The following KALRN variants were observed in gnomAD, a reference collection of about 807,000 sequenced individuals.
The protein encoded by KALRN is kalirin.
Under a neutral mutation model 353.7 loss-of-function variants are expected in KALRN, and 70 were observed. That is an observed-to-expected ratio of 0.20 (90% CI 0.16 to 0.24). The LOEUF is 0.24. Ranked by LOEUF, KALRN falls within the 10% of genes least tolerant of loss-of-function variation. The pLI is 1.00. For synonymous variants in KALRN, 1,391 were observed against 1,434.8 expected, an observed-to-expected ratio of 0.97 and a Z score of 0.69; for missense variants, 2,791 against 3,756.7, an observed-to-expected ratio of 0.74 and a Z score of 6.72.
At chr3:124,391,259 TG>T (rs1394544084) in intron 11 of KALRN, among the ~76,000 whole-genome samples, 4 of 104,726 alleles carry the variant, frequency 3.8e-5, no homozygotes, top group Admixed American at 1.2e-4. Context: ...TTTTCTTTTC[TG>T]GGGAGGGGGT....
chr3:124,253,955 T>C (rs1046950768), intron 3 of KALRN, among the ~76,000 whole-genome samples: 2 of 152,202 alleles, frequency 1.3e-5, no homozygotes, highest in Non-Finnish European at 2.9e-5. Context: ...AATGTGATCT[T>C]TATTCCAGCA....
At chr3:124,655,179 A>G (rs2083872112) in intron 38 of KALRN, among the ~76,000 whole-genome samples, 2 of 152,232 alleles carry the variant, frequency 1.3e-5, no homozygotes, top group African/African-American at 4.8e-5. Context: ...TAAGTGAAGA[A>G]TGGAGCTGAA....
At chr3:124,131,191 G>A (rs2065236361) in intron 1 of KALRN, among the ~76,000 whole-genome samples, 1 of 152,142 alleles carries the variant, frequency 6.6e-6, no homozygotes, top group Admixed American at 6.5e-5. Flanking sequence ...ATGTCTGAAG[G>A]TTAACAGATA....
intron 1 of KALRN, among the ~76,000 whole-genome samples, chr3:124,056,787 C>A (rs1049362827): frequency 6.6e-6 from 1 of 152,142 alleles, no homozygotes; most frequent in Non-Finnish European, 1.5e-5. Flanking sequence ...AAGTTCTGAG[C>A]CAATTACAGT....
At chr3:124,076,890 G>GT (rs2060287229) in intron 1 of KALRN, among the ~76,000 whole-genome samples, 1 of 152,218 alleles carries the variant, frequency 6.6e-6, no homozygotes. Context: ...CTTTCTTTGT[G>GT]AAGTGGCCCA....
chr3:124,536,102 G>T (rs1344186035), intron 33 of KALRN, among the ~76,000 whole-genome samples: 1 of 151,780 alleles, frequency 6.6e-6, no homozygotes, highest in Non-Finnish European at 1.5e-5. Flanking sequence ...GTAACAATGT[G>T]TCTCCCCCAG....
At chr3:124,492,575 C>T (rs769121235) in intron 31 of KALRN, among the ~76,000 whole-genome samples, 165 bp from the exon 32 acceptor site, 9 of 152,020 alleles carry the variant, frequency 5.9e-5, no homozygotes, top group Admixed American at 3.9e-4. Flanking sequence ...GTTGGAGAAG[C>T]CTGTTTCTGG....
chr3:124,041,476 A>G (rs2149081510), intron 1 of KALRN, among the ~76,000 whole-genome samples: 1 of 152,336 alleles, frequency 6.6e-6, no homozygotes, highest in South Asian at 2.1e-4. Flanking sequence ...GGACCTTTCC[A>G]GTCCAGGAAG....
intron 14 of KALRN, among the ~76,000 whole-genome samples, chr3:124,414,775 G>A (rs2092402177): frequency 2.0e-5 from 3 of 152,150 alleles, no homozygotes; most frequent in Admixed American, 2.0e-4. Context: ...TCCTACCGGG[G>A]TCCTTGTTGG....
At chr3:124,642,807 T>TTG (rs1491569517) in intron 37 of KALRN, among the ~76,000 whole-genome samples, 917 of 87,552 alleles carry the variant, frequency 0.01, 59 homozygotes, top group African/African-American at 0.021. Context: ...CCAAGCCTCG[T>TTG]TTTTTTTTTT....
intron 11 of KALRN, 114 bp downstream of exon 11, chr3:124,385,150 C>T: frequency 1.2e-6 from 1 of 819,060 alleles, no homozygotes; most frequent in East Asian, 2.7e-5. Flanking sequence ...GGGTTACTAA[C>T]TTCCTAACTT....
At chr3:124,574,172 A>T (rs1197123352) in intron 34 of KALRN, among the ~76,000 whole-genome samples, 1 of 152,246 alleles carries the variant, frequency 6.6e-6, no homozygotes, top group Non-Finnish European at 1.5e-5. Context: ...TATTTAGGAC[A>T]TGAAAGGGCT....
chr3:124,178,552 C>G (rs1448949677), intron 1 of KALRN, among the ~76,000 whole-genome samples: 1 of 152,232 alleles, frequency 6.6e-6, no homozygotes, highest in South Asian at 2.1e-4. Context: ...TGTTACTGTA[C>G]CAGATACTGT....
intron 13 of KALRN, among the ~76,000 whole-genome samples, chr3:124,412,186 A>G (rs891218251): frequency 1.3e-5 from 2 of 152,112 alleles, no homozygotes; most frequent in African/African-American, 4.8e-5. Flanking sequence ...ATATAAGAGC[A>G]CCGCTCCCAC....
At chr3:124,496,506 G>A (rs968883594) in intron 33 of KALRN, 93 bp downstream of exon 33, 77 of 917,740 alleles carry the variant, frequency 8.4e-5, no homozygotes, top group Admixed American at 1.8e-5. Context: ...TCTCACTATG[G>A]ATCCTACCTT....
chr3:124,196,514 A>G (rs189205936), intron 1 of KALRN, among the ~76,000 whole-genome samples: 100 of 152,086 alleles, frequency 6.6e-4, no homozygotes, highest in African/African-American at 2.3e-3. Context: ...TTTCCCTTAG[A>G]GCTTTTTTTG....
intron 7 of KALRN, among the ~76,000 whole-genome samples, chr3:124,327,602 C>T (rs1444769): frequency 0.53 from 80,514 of 152,036 alleles, 21,495 homozygotes; most frequent in South Asian, 0.66. Flanking sequence ...TATACACACA[C>T]ACATATATAT....
At chr3:124,562,731 C>CT in intron 33 of KALRN, 112 bp from the exon 34 acceptor site, 2 of 998,614 alleles carry the variant, frequency 2.0e-6, no homozygotes, top group Non-Finnish European at 2.7e-6. Flanking sequence ...TCTCTTCCTC[C>CT]TTACCTCTGC....
At chr3:124,099,538 G>A (rs1022389278) in intron 1 of KALRN, 1 of 152,190 alleles carries the variant, frequency 6.6e-6, no homozygotes, top group East Asian at 1.9e-4. Context: ...GGTATCCCTT[G>A]ATATACTGAT....
Sources: allele counts gnomAD v4.1 joint callset (sites outside exome capture counted in the v4.1 genomes callset), GRCh38; gene constraint gnomAD v4.1.1; transcripts MANE v1.5; gene names NCBI Gene and HGNC (gene_info 2026-07-23, HGNC 2026-07-21).